BICD2: variants seen among roughly 807,000 people sequenced by gnomAD.
BICD2 encodes BICD cargo adaptor 2.
BICD2 carries 25 observed loss-of-function variants against 72.9 expected under a neutral mutation model. That is an observed-to-expected ratio of 0.34 (90% confidence interval 0.25 to 0.48). BICD2 has a LOEUF of 0.48. Among genes scored for constraint, BICD2 ranks in the 20% least tolerant of loss-of-function variants. The pLI, the probability that BICD2 is intolerant of heterozygous loss-of-function variation, is 0.99. For synonymous variants in BICD2, 501 were observed against 516.1 expected, an observed-to-expected ratio of 0.97 and a Z score of 0.40; for missense variants, 894 against 1,175.2, an observed-to-expected ratio of 0.76 and a Z score of 3.50.
chr9:92,720,643 A>T lies in BICD2; in HGVS notation c.719T>A (p.Leu240Gln). The part of the protein sequence containing the change: ...IRLKEISERQ[L>Q]EEALETLKTE... Reference sequence around the variant, plus strand: ...CTTCAGGGTCTCCAGCGCCTCCTCCAGCTGCCGCTCTGAGATCTCCTTGAG... The same window carrying T: ...CTTCAGGGTCTCCAGCGCCTCCTCCTGCTGCCGCTCTGAGATCTCCTTGAG... Residue 240 changes from leucine to glutamine, a missense_variant, in exon 4 of 7, where the codon CTG (leucine) becomes CAG (glutamine). Around this residue, in one of 5 missense-constraint regions of BICD2, gnomAD observed 371 missense variants for 439.1 expected, o/e 0.84. Transcript: ENST00000356884. The surrounding 1 kb of genome is among the most constrained non-coding windows in gnomAD (Gnocchi z 5.4). 1.2e-6 allele frequency: 2 copies of T among 1,614,088 alleles called. No homozygotes were observed. The highest frequency in any genetic ancestry group is 1.7e-6 in the Non-Finnish European group (2 of 1,180,008).
chr9:92,717,360 A>G (rs1564058838), intron 6 of BICD2, among the ~76,000 whole-genome samples: 1 of 152,278 alleles, frequency 6.6e-6, no homozygotes, highest in Non-Finnish European at 1.5e-5. Flanking sequence ...CATTCACAGC[A>G]AAATGGAACC....
rs1853736214 is a variant in BICD2 at position 92,734,436 on chromosome 9, C to A, written c.241-5200G>T. The stretch of plus-strand genomic sequence containing the variant: ...GGCTGATGCACAAGAATCCTTTGAA[C>A]CTGGGAAGCGGAGGTTCCAGTGAGT... On this transcript the variant is annotated intron_variant, in intron 1 of 6. Transcript: ENST00000356884. 3.3e-5 allele frequency among the ~76,000 whole-genome samples: 5 copies of A among 151,654 alleles called. 1 individual carries two copies. The South Asian group carries it at 1.0e-3, about 32-fold the overall frequency.
In BICD2 at chr9:92,713,474, GA is replaced by G; in HGVS notation, c.*1679del. 1 of 1,589,884 alleles carries G rather than the reference GA, an allele frequency of 6.3e-7. No individual in the cohort carries two copies. The highest frequency in any genetic ancestry group is 8.6e-7 in the Non-Finnish European group (1 of 1,167,040). Reference sequence around the variant, plus strand: ...AGCTACTCTACAGCTGAAAACGGGAGAAAAGAGAGCGTTAGAAAGCGGTCAT... The same window carrying G: ...AGCTACTCTACAGCTGAAAACGGGAGAAAGAGAGCGTTAGAAAGCGGTCAT... On this transcript the variant is annotated 3_prime_UTR_variant, in exon 7 of 7. Coordinates refer to ENST00000356884, the MANE Select transcript of BICD2 (RefSeq NM_001003800.2).
intron 1 of BICD2, among the ~76,000 whole-genome samples, chr9:92,756,625 C>T (rs1854263175): frequency 1.3e-5 from 2 of 150,776 alleles, no homozygotes; most frequent in Admixed American, 1.3e-4. Context: ...GTAATCCCAG[C>T]ACTTTGGGAG....
chr9:92,740,113 C>A, intron 1 of BICD2, among the ~76,000 whole-genome samples: 1 of 152,132 alleles, frequency 6.6e-6, no homozygotes, highest in Non-Finnish European at 1.5e-5. Flanking sequence ...AAAGTGTCAA[C>A]CACGCAGAGA....
Position 92,720,584 on chromosome 9 carries a change from C to G in BICD2, c.778G>C (p.Glu260Gln), listed in dbSNP as rs1445458188. The stretch of plus-strand genomic sequence containing the variant: ...TTGATGCTCATGTAGTGTGACAGCT[C>G]CTTGCGCAGGCTGTTCTTCTGTTCG... ...EREQKNSLRK[E>Q]LSHYMSINDS... is the part of the protein sequence containing the mutation. The change falls in exon 4 of 7, where the codon GAG (glutamate) becomes CAG (glutamine). Residue 260 changes from glutamate (E) to glutamine (Q), a missense_variant. Physicochemically the swap from Glu to Gln is conservative, Grantham distance 29 (BLOSUM62 2). Around this residue, in one of 5 missense-constraint regions of BICD2, gnomAD observed 371 missense variants for 439.1 expected, o/e 0.84. Coordinates refer to ENST00000356884, the MANE Select transcript of BICD2 (RefSeq NM_001003800.2). This position sits in a 1 kb window ranked among gnomAD's most constrained non-coding sequence, Gnocchi z 5.4. 1 of 1,614,164 alleles carries G rather than the reference C, an allele frequency of 6.2e-7. No homozygotes were observed. The highest frequency in any genetic ancestry group is 8.5e-7 in the Non-Finnish European group (1 of 1,180,044).
At chr9:92,743,107 A>T (rs1451112210) in intron 1 of BICD2, among the ~76,000 whole-genome samples, 2 of 152,174 alleles carry the variant, frequency 1.3e-5, no homozygotes, top group African/African-American at 4.8e-5. Context: ...ACATAGGAGG[A>T]TTCCAATTTT....
At chr9:92,760,915 G>A (rs192691077) in intron 1 of BICD2, among the ~76,000 whole-genome samples, 3 of 152,338 alleles carry the variant, frequency 2.0e-5, no homozygotes, top group Non-Finnish European at 4.4e-5. Context: ...CCAAGACCAG[G>A]ACTTTTCCTG....
rs757247225 is a variant in BICD2, at chr9:92,717,955, G to T, written c.2107-7C>A. On this transcript the variant is annotated splice_polypyrimidine_tract_variant and splice_region_variant and intron_variant, in intron 5 of 6. Transcript: ENST00000356884. ...CAAGGGCCACCTCGGCCGTCTGGGG[G>T]ACAGATGTGTAGGGTGGAAAAGTGA... 5.6e-6 allele frequency: 9 copies of T among 1,612,380 alleles called. No homozygotes were observed. The highest frequency in any genetic ancestry group is 1.7e-5 in the Admixed American group (1 of 59,850).
intron 1 of BICD2, among the ~76,000 whole-genome samples, chr9:92,740,783 C>T (rs917082130): frequency 6.6e-6 from 1 of 152,138 alleles, no homozygotes; most frequent in African/African-American, 2.4e-5. Context: ...AACCAGGGAA[C>T]TGAACACTTA....
intron 2 of BICD2, among the ~76,000 whole-genome samples, chr9:92,728,479 G>A (rs993772694): frequency 1.3e-5 from 2 of 152,146 alleles, no homozygotes; most frequent in Admixed American, 6.5e-5. Context: ...CCCTCCCTGC[G>A]GGCACTCTGC....
At chr9:92,758,418 G>A (rs969451607) in intron 1 of BICD2, among the ~76,000 whole-genome samples, 2 of 150,466 alleles carry the variant, frequency 1.3e-5, no homozygotes, top group African/African-American at 4.9e-5. Context: ...CAGGTGTGGT[G>A]GCGCGCACCT....
At chr9:92,717,705 G>A in intron 6 of BICD2, 92 bp downstream of exon 6, 1 of 1,433,630 alleles carries the variant, frequency 7.0e-7, no homozygotes, top group Admixed American at 2.4e-5. Context: ...GCAGGCCTCA[G>A]CATGAGGCAG....
intron 2 of BICD2, among the ~76,000 whole-genome samples, chr9:92,724,210 C>T (rs1853520788): frequency 6.6e-6 from 1 of 152,228 alleles, no homozygotes; most frequent in Non-Finnish European, 1.5e-5. Context: ...CCACCTCTCA[C>T]ACTGTTCTCT....
chr9:92,720,176 G>A lies in BICD2; in HGVS notation c.1062+124C>T. 1 of 993,266 alleles carries A rather than the reference G, an allele frequency of 1.0e-6. No homozygotes were observed. The allele number at this position is 993,266 out of a possible 1,614,324, so 61.5% of individuals were successfully genotyped here. A position where few individuals can be genotyped will look rare whatever the true frequency, so the allele number is the denominator to read the frequency against. Reference sequence around the variant, plus strand: ...AGTTCCATTTACCGTAATGATGCAGGAGATAAAATCAACGTAAGGAAAAGG... The same window carrying A: ...AGTTCCATTTACCGTAATGATGCAGAAGATAAAATCAACGTAAGGAAAAGG... On this transcript the variant is annotated intron_variant, in intron 4 of 6. Coordinates refer to ENST00000356884, the MANE Select transcript of BICD2 (RefSeq NM_001003800.2). The surrounding 1 kb of genome is among the most constrained non-coding windows in gnomAD (Gnocchi z 5.4).
intron 1 of BICD2, among the ~76,000 whole-genome samples, chr9:92,748,479 C>A (rs1854063305): frequency 6.6e-6 from 1 of 152,062 alleles, no homozygotes; most frequent in Non-Finnish European, 1.5e-5. Flanking sequence ...CCCCAGTGAC[C>A]CTGGGGTACA....
rs114295576 is a variant in BICD2 at position 92,723,319 on chromosome 9, T to C, written c.454-511A>G. ...AAGGTGGAAGCAGCCCAAGTGCCCA[T>C]TGACTGATGAATGAATAAACAAAAT... is the stretch of plus-strand genomic sequence containing the variant. On this transcript the variant is annotated intron_variant, in intron 2 of 6. Coordinates refer to ENST00000356884, the MANE Select transcript of BICD2 (RefSeq NM_001003800.2). Among the ~76,000 whole-genome samples the C allele has an allele frequency of 3.4e-3, 518 of 152,242 alleles. 5 individuals carry two copies. The highest frequency in any genetic ancestry group is 0.017 in the Middle Eastern group (5 of 294).
chr9:92,716,386 T>C (rs1587666669), intron 6 of BICD2, among the ~76,000 whole-genome samples: 2 of 152,214 alleles, frequency 1.3e-5, no homozygotes, highest in South Asian at 2.1e-4. Context: ...TGTGGGATTT[T>C]TTCCCCAAGC....
Position 92,714,620 on chromosome 9 carries a change from G to C in BICD2, c.*534C>G, listed in dbSNP as rs749380310. 4.2e-5 allele frequency: 41 copies of C among 985,690 alleles called. No homozygotes were observed. Among genetic ancestry groups the C allele is most frequent in the Non-Finnish European group, 4.9e-5 (41 of 830,208 alleles). 61.1% of individuals were successfully genotyped at this position (985,690 alleles called of 1,614,324 possible). ...ACTTCTTTCCTGAATATGATTTGCAGTCAGATACTGCATAAACTACAACGT... is the reference window on the plus strand; with the variant it reads ...ACTTCTTTCCTGAATATGATTTGCACTCAGATACTGCATAAACTACAACGT... On this transcript the variant is annotated 3_prime_UTR_variant, in exon 7 of 7. Transcript: ENST00000356884.
Sources: allele counts gnomAD v4.1 joint callset (sites outside exome capture counted in the v4.1 genomes callset), GRCh38; gene constraint gnomAD v4.1.1; regional missense constraint gnomAD v4.1.1; non-coding constraint Gnocchi (gnomAD v3.1); transcripts MANE v1.5; gene names NCBI Gene and HGNC (gene_info 2026-07-23, HGNC 2026-07-21).